LIPJ: variants seen among roughly 807,000 people sequenced by gnomAD.
LIPJ encodes the protein lipase member J.
Under a neutral mutation model 39.8 loss-of-function variants are expected in LIPJ, and 33 were observed. That is an observed-to-expected ratio of 0.83 (90% CI 0.63 to 1.11). LIPJ has a LOEUF of 1.11. LIPJ is among the 50% of genes least tolerant of loss of function. The probability of loss-of-function intolerance (pLI) is 0.00; values close to 1 mark genes in which losing one functional copy is unlikely to be tolerated. For missense variants in LIPJ, 422 were observed against 427.9 expected (o/e 0.99, Z 0.12); for synonymous variants, 128 against 139.2 (o/e 0.92, Z 0.57).
the LIPJ span, among the ~76,000 whole-genome samples, chr10:88,621,487 A>G: frequency 8.5e-5 from 13 of 152,324 alleles, no homozygotes; most frequent in African/African-American, 1.9e-4. Flanking sequence ...AAAAAGTTCA[A>G]TTGTTACCAG....
At chr10:88,593,696 G>C (rs1402022100) in intron 4 of LIPJ, 1 of 322,454 alleles carries the variant, frequency 3.1e-6, no homozygotes, top group African/African-American at 2.2e-5. Context: ...TTTTCTCTCA[G>C]TAAAATGTAC....
In LIPJ at chr10:88,590,611, T is replaced by G. The variant is rs993501638; in HGVS notation, c.-77T>G. 1.7e-6 allele frequency: 2 copies of G among 1,152,158 alleles called. No individual in the cohort carries two copies. The highest frequency in any genetic ancestry group is 1.7e-5 in the Admixed American group (1 of 58,292). The allele number at this position is 1,152,158 out of a possible 1,614,324, so 71.4% of individuals were successfully genotyped here. ...TCCCAAACGTGGTATCTTTTCACAA[T>G]GATGTATTTTATCCGAATTCTTGGA... is the stretch of plus-strand genomic sequence containing the variant. On this transcript the variant is annotated 5_prime_UTR_variant, in exon 3 of 11. An upstream start codon of the reference 5' UTR is lost. Transcript: ENST00000371939.
chr10:88,615,278 A>G, the LIPJ span, among the ~76,000 whole-genome samples: 10 of 152,228 alleles, frequency 6.6e-5, no homozygotes, highest in African/African-American at 2.4e-4. Context: ...AGACTTGAAT[A>G]GGTACTTTGC....
At chr10:88,602,550 C>CTTTT in intron 8 of LIPJ, 26 bp from the exon 9 acceptor site, 1 of 1,041,650 alleles carries the variant, frequency 9.6e-7, no homozygotes, top group Non-Finnish European at 1.3e-6. Flanking sequence ...TATAAAAATG[C>CTTTT]TTTTTTTTTT....
chr10:88,604,227 T>C (rs564128316), intron 9 of LIPJ, among the ~76,000 whole-genome samples: 2 of 152,134 alleles, frequency 1.3e-5, no homozygotes, highest in South Asian at 2.1e-4. Flanking sequence ...ATGGTGACAT[T>C]TGGAACATGG....
At chr10:88,592,997 T>A (rs2134548183) in intron 4 of LIPJ, 1 of 152,036 alleles carries the variant, frequency 6.6e-6, no homozygotes, top group East Asian at 1.9e-4. Context: ...GGGGCTAACA[T>A]ATTCATATCA....
upstream of LIPJ, chr10:88,583,224 T>C (rs772647118): frequency 1.2e-6 from 2 of 1,611,240 alleles, no homozygotes; most frequent in Non-Finnish European, 1.7e-6. Flanking sequence ...GCTGAGTCTC[T>C]GCGGCGGGGC....
chr10:88,616,371 G>A, the LIPJ span, among the ~76,000 whole-genome samples: 5 of 152,210 alleles, frequency 3.3e-5, no homozygotes, highest in South Asian at 2.1e-4. Context: ...GCCTGCGTCA[G>A]GGAGAGGCTG....
downstream of LIPJ, chr10:88,607,055 T>A (rs1197284913): frequency 1.3e-6 from 1 of 746,578 alleles, no homozygotes; most frequent in East Asian, 3.2e-5. Flanking sequence ...GGCCCTCCAG[T>A]CATTAAATCA....
chr10:88,598,454 T>A (rs1423036047), intron 8 of LIPJ, among the ~76,000 whole-genome samples: 1 of 152,038 alleles, frequency 6.6e-6, no homozygotes, highest in Non-Finnish European at 1.5e-5. Context: ...TTTGACCTTG[T>A]CCAGGTGTTA....
chr10:88,612,875 T>A, the LIPJ span, among the ~76,000 whole-genome samples: 1,147 of 152,154 alleles, frequency 7.5e-3, 17 homozygotes, highest in African/African-American at 0.026. Context: ...CTATACCCTA[T>A]GACAAACGTA....
intron 9 of LIPJ, among the ~76,000 whole-genome samples, chr10:88,604,483 A>G (rs1481646071): frequency 3.3e-5 from 5 of 152,214 alleles, no homozygotes; most frequent in Non-Finnish European, 7.3e-5. Context: ...ATGGGAAATG[A>G]TGATTGTTTG....
chr10:88,616,751 A>C, the LIPJ span, among the ~76,000 whole-genome samples: 1 of 152,198 alleles, frequency 6.6e-6, no homozygotes, highest in East Asian at 1.9e-4. Context: ...GGCCTGGAGA[A>C]GGGGAGATGA....
chr10:88,583,752 A>G (rs1215060479), upstream of LIPJ: 1 of 967,368 alleles, frequency 1.0e-6, no homozygotes, highest in Non-Finnish European at 1.2e-6. Context: ...ACTTTGTGTA[A>G]CCTTCCTGAA....
At chr10:88,597,619 T>C (rs1000276828) in intron 8 of LIPJ, among the ~76,000 whole-genome samples, 2 of 151,924 alleles carry the variant, frequency 1.3e-5, no homozygotes, top group African/African-American at 2.4e-5. Context: ...CAAAGAAAGA[T>C]AGGTATTCTC....
intron 8 of LIPJ, among the ~76,000 whole-genome samples, 169 bp downstream of exon 8, chr10:88,597,105 C>A (rs1414847849): frequency 3.3e-5 from 5 of 151,830 alleles, no homozygotes; most frequent in African/African-American, 1.2e-4. Flanking sequence ...GTACAACTAA[C>A]TTGCATGAAC....
chr10:88,617,977 A>G, the LIPJ span, among the ~76,000 whole-genome samples: 2 of 152,230 alleles, frequency 1.3e-5, no homozygotes, highest in African/African-American at 2.4e-5. Flanking sequence ...CACTCTCCCT[A>G]GATGATCTTA....
chr10:88,616,564 T>C, the LIPJ span, among the ~76,000 whole-genome samples: 1 of 152,180 alleles, frequency 6.6e-6, no homozygotes, highest in Non-Finnish European at 1.5e-5. Flanking sequence ...CGGGGGATCC[T>C]CAGGCAGGCA....
At chr10:88,615,042 A>C in the LIPJ span, among the ~76,000 whole-genome samples, 7 of 152,200 alleles carry the variant, frequency 4.6e-5, no homozygotes, top group Admixed American at 4.6e-4. Context: ...GCTGATCTTA[A>C]TGTAAAAGGC....
Sources: gnomAD v4.1 joint callset for allele counts (sites outside exome capture counted in the v4.1 genomes callset) on GRCh38, gnomAD v4.1.1 for gene constraint, MANE v1.5 for transcripts, NCBI Gene and HGNC (gene_info 2026-07-23, HGNC 2026-07-21) for gene names.